The following SFMBT2 variants were observed in gnomAD, a reference collection of about 807,000 sequenced individuals.
SFMBT2 encodes the protein Scm like with four mbt domains 2.
Under a neutral mutation model 110.1 loss-of-function variants are expected in SFMBT2, and 38 were observed. The ratio of observed to expected loss-of-function variants is 0.35; its 90% CI spans 0.27 to 0.45. The LOEUF (loss-of-function observed/expected upper bound fraction) is 0.45. Ranked by LOEUF, SFMBT2 falls within the 20% of genes least tolerant of loss-of-function variation. SFMBT2 has a pLI of 1.00. For missense variants in SFMBT2, 1,011 were observed against 1,094.9 expected (o/e 0.92, Z 1.08); for synonymous variants, 425 against 425.4 (o/e 1.00, Z 0.01).
intron 7 of SFMBT2, among the ~76,000 whole-genome samples, chr10:7,266,628 G>A (rs1437467317): frequency 6.6e-6 from 1 of 152,220 alleles, no homozygotes; most frequent in Non-Finnish European, 1.5e-5. Context: ...CAGGGAGGCA[G>A]GAGCAAAAGT....
chr10:7,288,429 G>T (rs116870035), intron 4 of SFMBT2, among the ~76,000 whole-genome samples: 2,240 of 152,162 alleles, frequency 0.015, 36 homozygotes, highest in South Asian at 0.046. Flanking sequence ...TACTCACATG[G>T]AAATACAAAC....
chr10:7,306,214 T>G (rs1166132775), intron 4 of SFMBT2, among the ~76,000 whole-genome samples: 1 of 152,230 alleles, frequency 6.6e-6, no homozygotes, highest in Non-Finnish European at 1.5e-5. Context: ...CAGAGTGCTC[T>G]CCGGCAGGCT....
intron 7 of SFMBT2, among the ~76,000 whole-genome samples, chr10:7,250,020 C>T (rs187114140): frequency 1.1e-4 from 17 of 152,282 alleles, no homozygotes; most frequent in Admixed American, 1.1e-3. Context: ...AACTTACAAT[C>T]CACACTTTAT....
At chr10:7,364,549 G>A (rs1466782562) in intron 4 of SFMBT2, among the ~76,000 whole-genome samples, 1 of 152,220 alleles carries the variant, frequency 6.6e-6, no homozygotes, top group Non-Finnish European at 1.5e-5. Flanking sequence ...AGCTCTTAGA[G>A]TATTCAGATT....
In SFMBT2 at chr10:7,271,233, G is replaced by A. The variant is rs567548693; in HGVS notation, c.870+5659C>T. 5.7e-5 allele frequency among the ~76,000 whole-genome samples: 8 copies of A among 141,584 alleles called. No individual in the cohort carries two copies. The South Asian group carries it at 1.8e-3, about 31-fold the overall frequency. 92.9% of individuals were successfully genotyped at this position (141,584 alleles called of 152,430 possible). On this transcript the variant is annotated intron_variant, in intron 7 of 20. Transcript: ENST00000397167. ...AACCCAGGAGGCAGAGGTTGCAGGG[G>A]GCCAAGCTGAGATCATGCCACTGCA...
chr10:7,406,815 G>C (rs959789471), intron 1 of SFMBT2, among the ~76,000 whole-genome samples: 3 of 152,330 alleles, frequency 2.0e-5, no homozygotes, highest in African/African-American at 7.2e-5. Flanking sequence ...TCCCACCTCA[G>C]CAGGCCTCCA....
At chr10:7,178,129 T>TG (rs982723601) in intron 16 of SFMBT2, among the ~76,000 whole-genome samples, 2 of 152,074 alleles carry the variant, frequency 1.3e-5, no homozygotes, top group Non-Finnish European at 2.9e-5. Flanking sequence ...CCTCCGGTGG[T>TG]GGGGGGTGAC....
intron 10 of SFMBT2, among the ~76,000 whole-genome samples, chr10:7,227,503 T>C (rs540455180): frequency 1.3e-5 from 2 of 152,344 alleles, no homozygotes; most frequent in African/African-American, 4.8e-5. Context: ...TTAGAACTAG[T>C]GATACCTTCT....
intron 4 of SFMBT2, among the ~76,000 whole-genome samples, chr10:7,356,184 T>C (rs547848319): frequency 6.6e-6 from 1 of 152,300 alleles, no homozygotes; most frequent in East Asian, 1.9e-4. Flanking sequence ...ATACACATGG[T>C]TGTCTGTGCA....
chr10:7,221,895 A>G (rs1839753917), intron 10 of SFMBT2, among the ~76,000 whole-genome samples: 1 of 152,136 alleles, frequency 6.6e-6, no homozygotes, highest in Admixed American at 6.5e-5. Flanking sequence ...TTCACCCCCA[A>G]AATACCCTTG....
At chr10:7,371,248 T>G (rs1386107676) in intron 2 of SFMBT2, among the ~76,000 whole-genome samples, 1 of 152,116 alleles carries the variant, frequency 6.6e-6, no homozygotes, top group Non-Finnish European at 1.5e-5. Flanking sequence ...CTCAGCTTCC[T>G]AAGTAGCTGG....
intron 7 of SFMBT2, among the ~76,000 whole-genome samples, chr10:7,256,199 C>A (rs1564407801): frequency 6.6e-6 from 1 of 152,188 alleles, no homozygotes; most frequent in Admixed American, 6.5e-5. Context: ...CAAACCCAAG[C>A]AGCCTGATTC....
chr10:7,385,346 G>A (rs540599589), intron 1 of SFMBT2, among the ~76,000 whole-genome samples: 25 of 152,312 alleles, frequency 1.6e-4, no homozygotes, highest in South Asian at 6.2e-4. Flanking sequence ...CTTGGAGAGC[G>A]GAGGGTGGCA....
intron 1 of SFMBT2, among the ~76,000 whole-genome samples, chr10:7,392,950 T>C (rs894817462): frequency 3.5e-5 from 5 of 140,886 alleles, no homozygotes; most frequent in Admixed American, 2.9e-4. Flanking sequence ...GTTTATATCC[T>C]GTCTATCCTA....
chr10:7,276,498 G>GT (rs1215732612), intron 7 of SFMBT2, among the ~76,000 whole-genome samples: 2 of 90,496 alleles, frequency 2.2e-5, no homozygotes, highest in Admixed American at 1.3e-4. Context: ...TTAAGAAGGT[G>GT]CCTTTTCAAG....
At chr10:7,228,401 C>T in intron 9 of SFMBT2, 4 of 812,368 alleles carry the variant, frequency 4.9e-6, no homozygotes, top group Non-Finnish European at 5.9e-6. Flanking sequence ...CAAAACAGTA[C>T]CAGGGACGAC....
At chr10:7,228,699 CTT>C (rs1209455768) in intron 9 of SFMBT2, among the ~76,000 whole-genome samples, 3 of 132,224 alleles carry the variant, frequency 2.3e-5, no homozygotes, top group Non-Finnish European at 3.2e-5. Context: ...TTCTTTCTTT[CTT>C]TCTTTCTTTC....
At chr10:7,233,148 T>C (rs952424773) in intron 9 of SFMBT2, among the ~76,000 whole-genome samples, 5 of 152,230 alleles carry the variant, frequency 3.3e-5, no homozygotes, top group African/African-American at 1.2e-4. Flanking sequence ...AGGAATACCA[T>C]GTTTGCTATC....
intron 7 of SFMBT2, among the ~76,000 whole-genome samples, chr10:7,262,867 G>GGA (rs1170454794): frequency 6.6e-6 from 1 of 152,096 alleles, no homozygotes; most frequent in East Asian, 1.9e-4. Flanking sequence ...GAATTCATGT[G>GGA]CTTCAGTTCA....
Sources: gnomAD v4.1 joint callset for allele counts (sites outside exome capture counted in the v4.1 genomes callset) on GRCh38, gnomAD v4.1.1 for gene constraint, MANE v1.5 for transcripts, NCBI Gene and HGNC (gene_info 2026-07-23, HGNC 2026-07-21) for gene names.